CADPS2: variants seen among roughly 807,000 people sequenced by gnomAD.
CADPS2 encodes the protein calcium dependent secretion activator 2.
A neutral mutation model predicts 172.5 loss-of-function variants in CADPS2; 93 were observed. That is an observed-to-expected ratio of 0.54 (90% CI 0.46 to 0.64). CADPS2 has a LOEUF of 0.64. Among genes scored for constraint, CADPS2 ranks in the 30% least tolerant of loss-of-function variants. CADPS2 has a pLI of 0.00. For synonymous variants in CADPS2, 546 were observed against 555.2 expected (o/e 0.98, Z 0.23); for missense variants, 1,420 against 1,565.9 (o/e 0.91, Z 1.57).
intron 6 of CADPS2, among the ~76,000 whole-genome samples, chr7:122,602,004 C>CA (rs1181727176): frequency 7.9e-5 from 12 of 151,542 alleles, no homozygotes; most frequent in Admixed American, 4.6e-4. Flanking sequence ...AACTTACTGA[C>CA]AAAAAATGTA....
At chr7:122,729,188 G>A (rs2091403215) in intron 2 of CADPS2, among the ~76,000 whole-genome samples, 1 of 151,738 alleles carries the variant, frequency 6.6e-6, no homozygotes, top group East Asian at 1.9e-4. Flanking sequence ...TGCTGCAGAT[G>A]ATAGGATTTC....
chr7:122,803,315 A>G (rs181981418), intron 1 of CADPS2, among the ~76,000 whole-genome samples: 109 of 152,312 alleles, frequency 7.2e-4, no homozygotes, highest in Non-Finnish European at 1.3e-3. Context: ...GTAAAGGGAA[A>G]TCACAATTCA....
At chr7:122,410,301 G>A (rs577628806) in intron 19 of CADPS2, among the ~76,000 whole-genome samples, 24 of 152,010 alleles carry the variant, frequency 1.6e-4, no homozygotes, top group African/African-American at 5.3e-4. Context: ...CCAAGATCGC[G>A]CCACTGCACT....
chr7:122,393,229 G>A lies in CADPS2; in HGVS notation c.2975C>T (p.Thr992Ile), dbSNP rs751307785. Reference sequence around the variant, plus strand: ...ATATAAAGAAGGCATCCACGAAGCAGTAGAAATGTTAGGAATCTGTGGAAG... The same window carrying A: ...ATATAAAGAAGGCATCCACGAAGCAATAGAAATGTTAGGAATCTGTGGAAG... The part of the protein sequence containing the change: ...LNLPQIPNIS[T>I]ASWMPSLYES... The change falls in exon 22 of 30, where the codon ACT becomes ATT. Residue 992 changes from threonine (T) to isoleucine (I), a missense_variant. Thr to Ile is a moderately conservative substitution (Grantham distance 89). Coordinates refer to ENST00000449022, the MANE Select transcript of CADPS2 (RefSeq NM_017954.11). 4 of 1,613,844 alleles carry A rather than the reference G, an allele frequency of 2.5e-6. No individual in the cohort carries two copies. Among genetic ancestry groups the A allele is most frequent in the Middle Eastern group, 1.6e-4 (1 of 6,062 alleles).
At chr7:122,807,691 C>A (rs1799090013) in intron 1 of CADPS2, among the ~76,000 whole-genome samples, 1 of 152,178 alleles carries the variant, frequency 6.6e-6, no homozygotes, top group Non-Finnish European at 1.5e-5. Flanking sequence ...TCTGAGGCCT[C>A]CTCCACTGAC....
chr7:122,743,092 A>G (rs773446858), intron 1 of CADPS2, among the ~76,000 whole-genome samples: 9 of 152,214 alleles, frequency 5.9e-5, no homozygotes, highest in Non-Finnish European at 1.3e-4. Flanking sequence ...GAAATTATCT[A>G]TCAGGAATTT....
chr7:122,857,531 G>A (rs1176472329), intron 1 of CADPS2, among the ~76,000 whole-genome samples: 1 of 152,158 alleles, frequency 6.6e-6, no homozygotes, highest in Admixed American at 6.5e-5. Context: ...TTGCAATCAA[G>A]ATCAATAACC....
intron 1 of CADPS2, among the ~76,000 whole-genome samples, chr7:122,828,298 C>G (rs1168650678): frequency 1.2e-4 from 18 of 151,672 alleles, no homozygotes; most frequent in Non-Finnish European, 1.6e-4. Flanking sequence ...TTCAACTTAC[C>G]TGTCATTGAA....
chr7:122,849,988 C>T (rs1375041996), intron 1 of CADPS2: 1 of 689,620 alleles, frequency 1.5e-6, no homozygotes, highest in Non-Finnish European at 2.2e-6. Context: ...GCCCACCTGC[C>T]CCCAAGCCTG....
At position 122,582,866 on chromosome 7, in the gene CADPS2, C is replaced by A. The variant is rs560301740; in HGVS notation, c.1224-1576G>T. Among the ~76,000 whole-genome samples the A allele has an allele frequency of 1.1e-4, 16 of 152,066 alleles. No homozygotes were observed. In the East Asian group the frequency reaches 2.7e-3, roughly 26 times the overall value. ...ATAGAATTTGCTTTTTAAAATCCTC[C>A]CCATAAAACTTCCATGTATTACACT... On this transcript the variant is annotated intron_variant, in intron 6 of 29. Coordinates refer to ENST00000449022, the MANE Select transcript of CADPS2 (RefSeq NM_017954.11).
At chr7:122,398,550 T>C (rs1196900470) in intron 20 of CADPS2, among the ~76,000 whole-genome samples, 2 of 152,134 alleles carry the variant, frequency 1.3e-5, no homozygotes, top group Non-Finnish European at 2.9e-5. Context: ...TTTAAGAGAC[T>C]AAAAATTATA....
intron 9 of CADPS2, among the ~76,000 whole-genome samples, chr7:122,502,378 A>T (rs890792863): frequency 1.3e-5 from 2 of 152,108 alleles, no homozygotes; most frequent in Non-Finnish European, 1.5e-5. Context: ...TATAATAAGA[A>T]CTAATATATT....
chr7:122,408,574 G>A (rs1185819861), intron 19 of CADPS2, among the ~76,000 whole-genome samples: 1 of 152,072 alleles, frequency 6.6e-6, no homozygotes, highest in Non-Finnish European at 1.5e-5. Flanking sequence ...ACAGATGTAT[G>A]CCACCATGCC....
intron 14 of CADPS2, among the ~76,000 whole-genome samples, chr7:122,469,388 T>C (rs565757935): frequency 6.6e-6 from 1 of 152,326 alleles, no homozygotes; most frequent in South Asian, 2.1e-4. Context: ...GTCTGCCTAG[T>C]GCTGGAATGT....
At chr7:122,376,860 C>T (rs2042425633) in intron 25 of CADPS2, among the ~76,000 whole-genome samples, 3 of 152,058 alleles carry the variant, frequency 2.0e-5, no homozygotes, top group Non-Finnish European at 1.5e-5. Context: ...ATATATTAAG[C>T]ATGTACAATT....
At chr7:122,538,697 C>G (rs1372061574) in intron 8 of CADPS2, among the ~76,000 whole-genome samples, 1 of 151,940 alleles carries the variant, frequency 6.6e-6, no homozygotes, top group Non-Finnish European at 1.5e-5. Flanking sequence ...TAAGTAGGAA[C>G]AGATAATCTG....
At position 122,803,975 on chromosome 7, in the gene CADPS2, A is replaced by G. The variant is rs1383392265; in HGVS notation, c.340-66907T>C. 2.8e-4 allele frequency among the ~76,000 whole-genome samples: 22 copies of G among 77,738 alleles called. No homozygotes were observed. In the East Asian group the frequency reaches 5.8e-3, roughly 20 times the overall value. The allele number at this position is 77,738 out of a possible 152,430, so 51.0% of individuals were successfully genotyped here. On this transcript the variant is annotated intron_variant, in intron 1 of 29. Transcript: ENST00000449022. Reference sequence around the variant, plus strand: ...TCTTTTTAAAACCAGGCTTGAATGGAAAAAAAAAAAAAAAAAAAAAAAACA... The same window carrying G: ...TCTTTTTAAAACCAGGCTTGAATGGGAAAAAAAAAAAAAAAAAAAAAAACA...
chr7:122,466,365 C>T (rs377486391), intron 14 of CADPS2, among the ~76,000 whole-genome samples: 94 of 152,282 alleles, frequency 6.2e-4, no homozygotes, highest in African/African-American at 2.2e-3. Flanking sequence ...TCCTGGATGA[C>T]GGGGTTCTAG....
chr7:122,453,138 C>T (rs539609945), intron 14 of CADPS2, among the ~76,000 whole-genome samples: 1 of 152,168 alleles, frequency 6.6e-6, no homozygotes, highest in African/African-American at 2.4e-5. Flanking sequence ...GGAAACATTA[C>T]TTAATTTCAT....
Sources: gnomAD v4.1 joint callset for allele counts (sites outside exome capture counted in the v4.1 genomes callset) on GRCh38, gnomAD v4.1.1 for gene constraint, MANE v1.5 for transcripts, NCBI Gene and HGNC (gene_info 2026-07-23, HGNC 2026-07-21) for gene names.